The following DGKH variants were observed in gnomAD, a reference collection of about 807,000 sequenced individuals.
DGKH encodes DAG kinase eta.
A neutral mutation model predicts 159.3 loss-of-function variants in DGKH; 90 were observed. The observed-to-expected ratio is 0.57, with a 90% CI of 0.48 to 0.67. DGKH has a LOEUF of 0.67. Among genes scored for constraint, DGKH ranks in the 30% least tolerant of loss-of-function variants. The pLI is 0.00. For missense variants in DGKH, 1,181 were observed against 1,506.1 expected (o/e 0.78, Z 3.57); for synonymous variants, 536 against 553.8 (o/e 0.97, Z 0.45).
chr13:42,110,586 A>AGTC, intron 1 of DGKH, among the ~76,000 whole-genome samples: 1 of 145,272 alleles, frequency 6.9e-6, no homozygotes, highest in Non-Finnish European at 1.5e-5. Context: ...TTTGAAGGAT[A>AGTC]ATCATTCATT....
intron 1 of DGKH, among the ~76,000 whole-genome samples, chr13:42,054,906 C>T (rs917959066): frequency 3.9e-5 from 6 of 152,054 alleles, no homozygotes; most frequent in African/African-American, 1.2e-4. Context: ...AAAAAAATTA[C>T]TCTACTTTGT....
chr13:42,109,429 T>C (rs1954817967), intron 1 of DGKH, among the ~76,000 whole-genome samples: 1 of 152,150 alleles, frequency 6.6e-6, no homozygotes, highest in Non-Finnish European at 1.5e-5. Context: ...CTGTGCATGA[T>C]GGAGATGGAC....
At chr13:42,209,106 T>C (rs753450720) in intron 22 of DGKH, 34 bp downstream of exon 22, 2 of 1,577,566 alleles carry the variant, frequency 1.3e-6, no homozygotes, top group African/African-American at 2.7e-5. Context: ...ACTGCACTTC[T>C]TGGGCTAAGG....
At chr13:42,057,622 C>T (rs1027420413) in intron 1 of DGKH, among the ~76,000 whole-genome samples, 3 of 152,158 alleles carry the variant, frequency 2.0e-5, no homozygotes, top group Non-Finnish European at 2.9e-5. Context: ...CTTTGTTGCT[C>T]CTCAATTCAT....
chr13:42,205,401 G>T (rs1046226669), intron 20 of DGKH, among the ~76,000 whole-genome samples: 4 of 152,140 alleles, frequency 2.6e-5, no homozygotes, highest in Non-Finnish European at 4.4e-5. Flanking sequence ...TAACAGTTCT[G>T]CTTCTACTCA....
chr13:42,172,121 C>G (rs1322753498), intron 11 of DGKH, among the ~76,000 whole-genome samples: 1 of 149,650 alleles, frequency 6.7e-6, no homozygotes, highest in Non-Finnish European at 1.5e-5. Context: ...AGCCACCACA[C>G]CCAGCCTCTT....
intron 1 of DGKH, among the ~76,000 whole-genome samples, chr13:42,055,602 C>T (rs1028890859): frequency 3.9e-5 from 6 of 152,106 alleles, no homozygotes; most frequent in Non-Finnish European, 8.8e-5. Flanking sequence ...ATGAAACTAC[C>T]AGTATAAAGG....
At chr13:42,102,323 G>C (rs928595980) in intron 1 of DGKH, among the ~76,000 whole-genome samples, 19 of 152,280 alleles carry the variant, frequency 1.2e-4, no homozygotes, top group Non-Finnish European at 2.9e-5. Flanking sequence ...AGCCAGCTGT[G>C]CTTTTGCTAA....
chr13:42,064,419 C>T (rs1041320182), intron 1 of DGKH, among the ~76,000 whole-genome samples: 1 of 152,166 alleles, frequency 6.6e-6, no homozygotes, highest in Non-Finnish European at 1.5e-5. Context: ...TCATGTTCAG[C>T]TGCTTGGGTG....
chr13:42,087,104 AACAAT>A lies in DGKH; in HGVS notation c.192+38140_192+38144del, dbSNP rs1566093848. Among the ~76,000 whole-genome samples the A allele has an allele frequency of 3.7e-3, 525 of 141,634 alleles. 4 individuals carry two copies. Among genetic ancestry groups the A allele is most frequent in the African/African-American group, 0.013 (506 of 38,434 alleles). 92.9% of individuals were successfully genotyped at this position (141,634 alleles called of 152,430 possible). ...ACACACCTCAGAACAGAGTAGGCAC[AACAAT>A]CCTTGAAGCTCATACAGAACTAGGA... On this transcript the variant is annotated intron_variant, in intron 1 of 29. Transcript: ENST00000337343.
chr13:42,210,367 T>G (rs979007653), intron 23 of DGKH, among the ~76,000 whole-genome samples: 1 of 152,114 alleles, frequency 6.6e-6, no homozygotes, highest in African/African-American at 2.4e-5. Context: ...CAGGTGATTG[T>G]CCCGCCTTGA....
At chr13:42,137,375 C>T (rs988025594) in intron 3 of DGKH, among the ~76,000 whole-genome samples, 5 of 152,152 alleles carry the variant, frequency 3.3e-5, no homozygotes. Context: ...TGTCTGATAA[C>T]TCATTCAATT....
chr13:42,063,994 A>C (rs1268246073), intron 1 of DGKH, among the ~76,000 whole-genome samples: 1 of 151,930 alleles, frequency 6.6e-6, no homozygotes, highest in African/African-American at 2.4e-5. Flanking sequence ...AATCTAGCTG[A>C]GAGAAAAGAT....
intron 1 of DGKH, among the ~76,000 whole-genome samples, chr13:42,090,591 T>C (rs1375031437): frequency 6.6e-6 from 1 of 152,162 alleles, no homozygotes; most frequent in African/African-American, 2.4e-5. Flanking sequence ...AATCAACCCA[T>C]ACACATATGG....
In DGKH at chr13:42,050,155, G is replaced by A. The variant is rs1881164655; in HGVS notation, c.192+1190G>A. Among the ~76,000 whole-genome samples the A allele has an allele frequency of 2.6e-5, 4 of 152,220 alleles. No homozygotes were observed. In the South Asian group the frequency reaches 8.3e-4, roughly 32 times the overall value. ...GGAGGCCAAGGCAGGCAGATCACTTGAGGCCAGGAGTTCCAGACCAGCCTG... is the reference window on the plus strand; with the variant it reads ...GGAGGCCAAGGCAGGCAGATCACTTAAGGCCAGGAGTTCCAGACCAGCCTG... On this transcript the variant is annotated intron_variant, in intron 1 of 29. Transcript: ENST00000337343.
intron 2 of DGKH, among the ~76,000 whole-genome samples, chr13:42,128,148 G>A (rs1955210009): frequency 6.6e-6 from 1 of 152,054 alleles, no homozygotes; most frequent in Non-Finnish European, 1.5e-5. Context: ...AAATCATATT[G>A]AAATAAAATC....
chr13:42,199,735 ATG>A, intron 19 of DGKH, 59 bp downstream of exon 19: 3 of 1,557,472 alleles, frequency 1.9e-6, no homozygotes, highest in Non-Finnish European at 2.6e-6. Context: ...TTCATTTATT[ATG>A]TCTTTTTGCT....
rs147508042 is a variant in DGKH at position 42,160,073 on chromosome 13, C to T, written c.792C>T (p.Cys264=). Residue 264 remains cysteine, a synonymous_variant, in exon 7 of 30, where the codon TGC becomes TGT. Transcript: ENST00000337343. ...NLPVSAKCAV[C]DKTCGSVLRL... Reference sequence around the variant, plus strand: ...CTGTAAGTGCCAAGTGTGCTGTCTGCGACAAAACATGTGGCAGTGTTCTCC... The same window carrying T: ...CTGTAAGTGCCAAGTGTGCTGTCTGTGACAAAACATGTGGCAGTGTTCTCC... 206 of 1,614,086 alleles carry T rather than the reference C, an allele frequency of 1.3e-4. No individual in the cohort carries two copies. Among genetic ancestry groups the T allele is most frequent in the South Asian group, 3.3e-4 (30 of 91,092 alleles).
intron 21 of DGKH, among the ~76,000 whole-genome samples, chr13:42,207,403 G>C (rs1035507345): frequency 1.3e-5 from 2 of 151,124 alleles, no homozygotes; most frequent in Admixed American, 1.3e-4. Flanking sequence ...GTTGGCCAGG[G>C]TGGTCTCGAA....
Sources: allele counts gnomAD v4.1 joint callset (sites outside exome capture counted in the v4.1 genomes callset), GRCh38; gene constraint gnomAD v4.1.1; transcripts MANE v1.5; gene names NCBI Gene and HGNC (gene_info 2026-07-23, HGNC 2026-07-21).